The following RTN4IP1 variants were observed in gnomAD, a reference collection of about 807,000 sequenced individuals.
The protein encoded by RTN4IP1 is NAD(P)H oxidoreductase RTN4IP1, mitochondrial.
In RTN4IP1, 32 loss-of-function variants were observed where a neutral mutation model predicts 46.6. That is an observed-to-expected ratio of 0.69 (90% confidence interval 0.52 to 0.92). The LOEUF (loss-of-function observed/expected upper bound fraction) is 0.92, where lower values mean the gene tolerates loss of function less well. Ranked by LOEUF, RTN4IP1 falls within the 40% of genes least tolerant of loss-of-function variation. The pLI, the probability that RTN4IP1 is intolerant of heterozygous loss-of-function variation, is 0.00. For synonymous variants in RTN4IP1, 167 were observed against 161.8 expected (o/e 1.03, Z -0.24); for missense variants, 424 against 485.8 (o/e 0.87, Z 1.20).
chr6:106,580,198 A>G (rs1290443905), intron 8 of RTN4IP1, among the ~76,000 whole-genome samples: 3 of 143,814 alleles, frequency 2.1e-5, no homozygotes, highest in Non-Finnish European at 4.5e-5. Context: ...TGGGCGACAG[A>G]GCAAGACTCT....
At chr6:106,594,436 G>C (rs563872730) in intron 5 of RTN4IP1, among the ~76,000 whole-genome samples, 1 of 152,120 alleles carries the variant, frequency 6.6e-6, no homozygotes, top group African/African-American at 2.4e-5. Flanking sequence ...TTGAGCCGGC[G>C]GGGGTGGAGG....
chr6:106,583,284 T>C (rs1395271342), intron 8 of RTN4IP1, 44 bp downstream of exon 8: 3 of 1,513,774 alleles, frequency 2.0e-6, no homozygotes, highest in African/African-American at 1.4e-5. Context: ...GGAGGTGCTG[T>C]AGAAATACAA....
At chr6:106,583,224 G>A in intron 8 of RTN4IP1, 104 bp downstream of exon 8, 1 of 835,448 alleles carries the variant, frequency 1.2e-6, no homozygotes, top group Non-Finnish European at 1.9e-6. Context: ...CAGGTGAGCA[G>A]GCTACCTCTG....
intron 8 of RTN4IP1, among the ~76,000 whole-genome samples, chr6:106,575,588 T>C (rs964254592): frequency 6.6e-6 from 1 of 152,180 alleles, no homozygotes; most frequent in Non-Finnish European, 1.5e-5. Context: ...TGCAAGAGCA[T>C]GAAGCTGCTG....
intron 4 of RTN4IP1, among the ~76,000 whole-genome samples, chr6:106,606,677 G>C (rs900126411): frequency 3.3e-5 from 5 of 151,944 alleles, no homozygotes; most frequent in African/African-American, 7.2e-5. Context: ...GATGCCAAGT[G>C]GGGGAGGATC....
chr6:106,589,467 C>A (rs1199040850), intron 6 of RTN4IP1, among the ~76,000 whole-genome samples: 1 of 151,774 alleles, frequency 6.6e-6, no homozygotes, highest in Non-Finnish European at 1.5e-5. Flanking sequence ...ATGAACAAAT[C>A]TGAGGATACT....
chr6:106,585,709 G>A (rs943199308), intron 7 of RTN4IP1, among the ~76,000 whole-genome samples: 2 of 152,120 alleles, frequency 1.3e-5, no homozygotes, highest in Non-Finnish European at 2.9e-5. Flanking sequence ...CTTTAACTAC[G>A]TGCACAATCA....
intron 4 of RTN4IP1, among the ~76,000 whole-genome samples, chr6:106,605,185 C>T (rs928227444): frequency 1.3e-5 from 2 of 152,204 alleles, no homozygotes; most frequent in Admixed American, 6.5e-5. Context: ...CCTGTAATCC[C>T]AGCACATTGG....
intron 7 of RTN4IP1, among the ~76,000 whole-genome samples, chr6:106,585,847 C>T (rs546820174): frequency 6.6e-6 from 1 of 152,330 alleles, no homozygotes; most frequent in African/African-American, 2.4e-5. Context: ...TGAAGGTTAA[C>T]TTGTAAGAGG....
Position 106,621,465 on chromosome 6 carries a change from T to C in RTN4IP1, c.455A>G (p.Gln152Arg), listed in dbSNP as rs1201771306. 1.2e-6 allele frequency: 2 copies of C among 1,614,006 alleles called. No individual in the cohort carries two copies. Among genetic ancestry groups the C allele is most frequent in the South Asian group, 2.2e-5 (2 of 91,082 alleles). ...EVWAAVPPWK[Q>R]GTLSEFVVVS... ...TACAACAAACTCTGAAAGAGTGCCTTGTTTCCAAGGAGGAACTGCAGCCCA... is the reference window on the plus strand; with the variant it reads ...TACAACAAACTCTGAAAGAGTGCCTCGTTTCCAAGGAGGAACTGCAGCCCA... The change falls in exon 3 of 9, where the codon CAA (glutamine) becomes CGA (arginine). Residue 152 changes from glutamine (Q) to arginine (R), a missense_variant. Gln to Arg is a conservative substitution (Grantham distance 43, BLOSUM62 1). Transcript: ENST00000369063.
At chr6:106,595,981 G>A (rs1340126517) in intron 5 of RTN4IP1, among the ~76,000 whole-genome samples, 1 of 152,074 alleles carries the variant, frequency 6.6e-6, no homozygotes, top group Non-Finnish European at 1.5e-5. Context: ...TTTGAAAAAA[G>A]TATCATGAAC....
chr6:106,575,751 T>C (rs543006778), intron 8 of RTN4IP1, among the ~76,000 whole-genome samples: 1 of 152,060 alleles, frequency 6.6e-6, no homozygotes, highest in Non-Finnish European at 1.5e-5. Context: ...AATGATTGAG[T>C]GGTAAGTGCA....
intron 4 of RTN4IP1, among the ~76,000 whole-genome samples, chr6:106,609,648 A>C (rs1014309978): frequency 2.0e-5 from 3 of 152,232 alleles, no homozygotes; most frequent in Non-Finnish European, 4.4e-5. Context: ...CTTCCAGTAA[A>C]GAAAAGCTTG....
At chr6:106,580,334 A>C (rs191076987) in intron 8 of RTN4IP1, among the ~76,000 whole-genome samples, 1 of 152,100 alleles carries the variant, frequency 6.6e-6, no homozygotes, top group Non-Finnish European at 1.5e-5. Context: ...ATAATGGGTA[A>C]GTAAAGAGAG....
intron 1 of RTN4IP1, among the ~76,000 whole-genome samples, chr6:106,625,452 T>C (rs1056143720): frequency 2.0e-5 from 3 of 152,112 alleles, no homozygotes; most frequent in African/African-American, 7.2e-5. Flanking sequence ...CAAACAAGCC[T>C]GGATCTAACA....
Position 106,629,308 on chromosome 6 carries a change from G to C in RTN4IP1, c.-287C>G, listed in dbSNP as rs898473453. The C allele has an allele frequency of 1.3e-5, 7 of 531,358 alleles. No individual in the cohort carries two copies. Among genetic ancestry groups the C allele is most frequent in the African/African-American group, 1.1e-4 (6 of 52,414 alleles). 32.9% of individuals were successfully genotyped at this position (531,358 alleles called of 1,614,324 possible). A position where few individuals can be genotyped will look rare whatever the true frequency, so the allele number is the denominator to read the frequency against. The stretch of plus-strand genomic sequence containing the variant: ...CCCCTCCACTTTAAAAAAAAAAGGG[G>C]GGGCGGGGCATTAAAAAGCAGGTGC... On this transcript the variant is annotated 5_prime_UTR_variant, in exon 1 of 9. Coordinates refer to ENST00000369063, the MANE Select transcript of RTN4IP1 (RefSeq NM_032730.5).
intron 5 of RTN4IP1, among the ~76,000 whole-genome samples, chr6:106,595,318 C>T (rs1775756761): frequency 6.6e-6 from 1 of 152,108 alleles, no homozygotes; most frequent in African/African-American, 2.4e-5. Context: ...ATTTCAATCC[C>T]TTTAGCAAAA....
intron 4 of RTN4IP1, among the ~76,000 whole-genome samples, chr6:106,605,293 G>A (rs1776035650): frequency 6.6e-6 from 1 of 151,786 alleles, no homozygotes; most frequent in South Asian, 2.1e-4. Flanking sequence ...AATTAGCTGG[G>A]CACGGTGGCA....
At chr6:106,615,078 T>C (rs1382145972) in intron 4 of RTN4IP1, among the ~76,000 whole-genome samples, 2 of 151,796 alleles carry the variant, frequency 1.3e-5, no homozygotes, top group Admixed American at 1.3e-4. Flanking sequence ...CCCCATACTT[T>C]GTTTATGCAA....
Sources: gnomAD v4.1 joint callset for allele counts (sites outside exome capture counted in the v4.1 genomes callset) on GRCh38, gnomAD v4.1.1 for gene constraint, MANE v1.5 for transcripts, NCBI Gene and HGNC (gene_info 2026-07-23, HGNC 2026-07-21) for gene names.